The following DOCK4 variants were observed in gnomAD, a reference collection of about 807,000 sequenced individuals.
The protein encoded by DOCK4 is dedicator of cytokinesis protein 4.
A neutral mutation model predicts 268.1 loss-of-function variants in DOCK4; 97 were observed. The ratio of observed to expected loss-of-function variants is 0.36; its 90% CI spans 0.31 to 0.43. The LOEUF (loss-of-function observed/expected upper bound fraction) is 0.43. Ranked by LOEUF, DOCK4 falls within the 20% of genes least tolerant of loss-of-function variation. The pLI is 1.00. For synonymous variants in DOCK4, 954 were observed against 887.2 expected (o/e 1.08, Z -1.34); for missense variants, 2,145 against 2,455.7 (o/e 0.87, Z 2.67).
intron 36 of DOCK4, among the ~76,000 whole-genome samples, chr7:111,773,373 T>C (rs2133698471): frequency 6.6e-6 from 1 of 152,292 alleles, no homozygotes; most frequent in South Asian, 2.1e-4. Flanking sequence ...TTGGGGAACA[T>C]AAAGACTGCA....
chr7:112,101,986 G>A (rs1228780719), intron 1 of DOCK4, among the ~76,000 whole-genome samples: 3 of 152,006 alleles, frequency 2.0e-5, no homozygotes, highest in Admixed American at 6.6e-5. Context: ...GGGACTACAG[G>A]CACCCGCCAC....
At position 111,994,613 on chromosome 7, in the gene DOCK4, C is replaced by T. The variant is rs117621775; in HGVS notation, c.219-382G>A. On this transcript the variant is annotated intron_variant, in intron 4 of 52. Coordinates refer to ENST00000428084, the MANE Select transcript of DOCK4 (RefSeq NM_001363540.2). ...GACTTTTGCCTTCCAAGGGCTATGA[C>T]TATAGGACTCAAAGAGAGTAAAAGG... Among the ~76,000 whole-genome samples the T allele has an allele frequency of 8.3e-3, 1,269 of 152,266 alleles. 9 individuals are homozygous for T. The highest frequency in any genetic ancestry group is 0.027 in the Middle Eastern group (8 of 294).
intron 23 of DOCK4, among the ~76,000 whole-genome samples, chr7:111,851,791 C>T (rs1804579337): frequency 6.6e-6 from 1 of 152,032 alleles, no homozygotes; most frequent in Admixed American, 6.6e-5. Context: ...GCTAGCAGTG[C>T]TTGGAATGCA....
intron 16 of DOCK4, among the ~76,000 whole-genome samples, chr7:111,891,699 T>G (rs1365606566): frequency 6.6e-6 from 1 of 152,216 alleles, no homozygotes; most frequent in Admixed American, 6.5e-5. Context: ...AGTGTTCATA[T>G]TTCTTCTATA....
chr7:112,058,024 A>ATTTTTTTTTTTTT (rs67991598), intron 1 of DOCK4, among the ~76,000 whole-genome samples: 8 of 115,040 alleles, frequency 7.0e-5, no homozygotes, highest in African/African-American at 1.9e-4. Context: ...TACAGGTTCA[A>ATTTTTTTTTTTTT]TTTTTTTTTT....
chr7:112,032,645 A>G (rs962085421), intron 1 of DOCK4, among the ~76,000 whole-genome samples: 2 of 152,232 alleles, frequency 1.3e-5, no homozygotes, highest in Admixed American at 1.3e-4. Flanking sequence ...TAGAACAGCA[A>G]GAAATTGCTG....
At chr7:111,865,326 C>T (rs973963668) in intron 22 of DOCK4, among the ~76,000 whole-genome samples, 1 of 152,210 alleles carries the variant, frequency 6.6e-6, no homozygotes, top group African/African-American at 2.4e-5. Context: ...CTAAATGAAC[C>T]TACCCAGTAG....
chr7:112,038,297 G>A (rs529512826), intron 1 of DOCK4, among the ~76,000 whole-genome samples: 10 of 152,192 alleles, frequency 6.6e-5, no homozygotes, highest in African/African-American at 2.4e-4. Flanking sequence ...TTGTTGTTTG[G>A]GGGACTGGGA....
intron 1 of DOCK4, among the ~76,000 whole-genome samples, chr7:112,076,800 T>C (rs1808105493): frequency 6.6e-6 from 1 of 152,162 alleles, no homozygotes. Context: ...CAGACTATAA[T>C]GTAGGTAAGA....
intron 1 of DOCK4, among the ~76,000 whole-genome samples, chr7:112,130,195 G>A (rs1813675825): frequency 6.6e-6 from 1 of 152,140 alleles, no homozygotes; most frequent in Admixed American, 6.5e-5. Context: ...CCCAGTCTTG[G>A]AGCACTACAG....
chr7:111,954,845 A>G (rs573684892), intron 8 of DOCK4, among the ~76,000 whole-genome samples: 1 of 152,154 alleles, frequency 6.6e-6, no homozygotes, highest in East Asian at 1.9e-4. Flanking sequence ...TCAGGGTTCG[A>G]ACCGATACAA....
intron 16 of DOCK4, among the ~76,000 whole-genome samples, chr7:111,878,756 G>T (rs114011391): frequency 0.012 from 1,890 of 152,300 alleles, 40 homozygotes; most frequent in African/African-American, 0.04. Context: ...CAGTGGCCAT[G>T]CAAGGAGGGA....
At chr7:112,039,972 A>G (rs565740241) in intron 1 of DOCK4, among the ~76,000 whole-genome samples, 7 of 152,268 alleles carry the variant, frequency 4.6e-5, no homozygotes, top group African/African-American at 1.7e-4. Context: ...TGCCTTATTC[A>G]TACTGCTATT....
chr7:111,817,358 T>C (rs1341413048), intron 27 of DOCK4, among the ~76,000 whole-genome samples: 2 of 152,178 alleles, frequency 1.3e-5, no homozygotes, highest in Non-Finnish European at 2.9e-5. Flanking sequence ...GCTCAGCAGA[T>C]TAGCTACTCT....
intron 1 of DOCK4, among the ~76,000 whole-genome samples, chr7:112,199,667 C>T (rs80313525): frequency 0.028 from 4,187 of 152,168 alleles, 89 homozygotes; most frequent in Middle Eastern, 0.095. Flanking sequence ...GTTGCCTTGT[C>T]TTTCTAATAA....
At chr7:112,167,125 C>T (rs972628697) in intron 1 of DOCK4, among the ~76,000 whole-genome samples, 4 of 152,218 alleles carry the variant, frequency 2.6e-5, no homozygotes, top group African/African-American at 9.6e-5. Context: ...TGGCCTATAG[C>T]TGGACCAATG....
At chr7:112,014,011 G>A (rs12671229) in intron 1 of DOCK4, among the ~76,000 whole-genome samples, 5,738 of 152,210 alleles carry the variant, frequency 0.038, 269 homozygotes, top group East Asian at 0.11. Context: ...ATATATAATG[G>A]GATGAAATCA....
At chr7:111,758,843 C>A in intron 40 of DOCK4, 53 bp from the exon 41 acceptor site, 2 of 1,561,428 alleles carry the variant, frequency 1.3e-6, no homozygotes, top group Non-Finnish European at 8.8e-7. Context: ...CCATGGAAGT[C>A]TGGCTTGGGC....
At chr7:111,938,699 C>T (rs1417075882) in intron 11 of DOCK4, among the ~76,000 whole-genome samples, 1 of 152,122 alleles carries the variant, frequency 6.6e-6, no homozygotes, top group Admixed American at 6.6e-5. Flanking sequence ...CGTTGAAGTC[C>T]TAACCCCCAG....
Sources: allele counts gnomAD v4.1 joint callset (sites outside exome capture counted in the v4.1 genomes callset), GRCh38; gene constraint gnomAD v4.1.1; transcripts MANE v1.5; gene names NCBI Gene and HGNC (gene_info 2026-07-23, HGNC 2026-07-21).